The following AGPAT3 variants were observed in gnomAD, a reference collection of about 807,000 sequenced individuals.
AGPAT3 encodes the protein 1-acylglycerol-3-phosphate O-acyltransferase 3, also known as 1-acyl-sn-glycerol-3-phosphate acyltransferase gamma.
In AGPAT3, 5 loss-of-function variants were observed where a neutral mutation model predicts 47.3. The ratio of observed to expected loss-of-function variants is 0.11; its 90% CI spans 0.06 to 0.22. The LOEUF is 0.22. Among genes scored for constraint, AGPAT3 ranks in the 10% least tolerant of loss-of-function variants. The probability of loss-of-function intolerance (pLI) is 1.00; values close to 1 mark genes in which losing one functional copy is unlikely to be tolerated. For missense variants in AGPAT3, 315 were observed against 493.0 expected, an observed-to-expected ratio of 0.64 and a Z score of 3.42; for synonymous variants, 212 against 208.3, an observed-to-expected ratio of 1.02 and a Z score of -0.15.
At position 43,900,907 on chromosome 21, in the gene AGPAT3, C is replaced by T. The variant is rs1601253640; in HGVS notation, c.-111-3050C>T. On this transcript the variant is annotated intron_variant, in intron 1 of 9. Coordinates refer to ENST00000291572, the MANE Select transcript of AGPAT3 (RefSeq NM_020132.5). ...AGATGCAGGACAGCAGCAAACCCAG[C>T]GTCCAGTGCCAAGTTCACAGGCACC... Among the ~76,000 whole-genome samples, 4 of 152,248 alleles carry T rather than the reference C, an allele frequency of 2.6e-5. No homozygotes were observed. The South Asian group carries it at 6.2e-4, about 24-fold the overall frequency.
intron 1 of AGPAT3, among the ~76,000 whole-genome samples, chr21:43,886,554 A>G (rs1338825504): frequency 6.6e-6 from 1 of 152,122 alleles, no homozygotes; most frequent in Non-Finnish European, 1.5e-5. Flanking sequence ...ACCTGGCCAA[A>G]TACTAGGCCT....
At chr21:43,921,443 A>T (rs1281541906) in intron 2 of AGPAT3, among the ~76,000 whole-genome samples, 2 of 152,168 alleles carry the variant, frequency 1.3e-5, no homozygotes, top group African/African-American at 4.8e-5. Flanking sequence ...AGCACAGGTC[A>T]CAAGCTAGGA....
At chr21:43,963,672 C>T (rs1455684777) in intron 3 of AGPAT3, among the ~76,000 whole-genome samples, 2 of 143,358 alleles carry the variant, frequency 1.4e-5, no homozygotes, top group African/African-American at 2.6e-5. Context: ...TGCATCACTG[C>T]ACTCCAGCCT....
intron 2 of AGPAT3, among the ~76,000 whole-genome samples, chr21:43,929,465 G>A (rs1314380076): frequency 1.3e-5 from 2 of 152,204 alleles, no homozygotes; most frequent in Non-Finnish European, 2.9e-5. Flanking sequence ...TCCCACGGTG[G>A]GACTTCTATT....
At chr21:43,879,341 C>CT (rs1319985281) in intron 1 of AGPAT3, among the ~76,000 whole-genome samples, 1 of 110,896 alleles carries the variant, frequency 9.0e-6, no homozygotes, top group Non-Finnish European at 1.7e-5. Context: ...GAGTGAGACT[C>CT]TATCTCAAAA....
At chr21:43,909,260 G>A (rs2086573348) in intron 2 of AGPAT3, among the ~76,000 whole-genome samples, 2 of 151,472 alleles carry the variant, frequency 1.3e-5, no homozygotes, top group South Asian at 4.2e-4. Flanking sequence ...GCAGTGGACT[G>A]GCCGGCGGTG....
intron 5 of AGPAT3, among the ~76,000 whole-genome samples, 177 bp downstream of exon 5, chr21:43,969,456 G>A (rs923509121): frequency 1.3e-5 from 2 of 152,152 alleles, no homozygotes. Context: ...GGCTTCTCTT[G>A]GGCCACCTGC....
chr21:43,868,861 C>G (rs2085563756), intron 1 of AGPAT3, among the ~76,000 whole-genome samples: 1 of 152,176 alleles, frequency 6.6e-6, no homozygotes, highest in South Asian at 2.1e-4. Context: ...GAGACACTGA[C>G]ATGGGAAACT....
At chr21:43,893,216 TGAA>T (rs927042639) in intron 1 of AGPAT3, among the ~76,000 whole-genome samples, 1 of 152,248 alleles carries the variant, frequency 6.6e-6, no homozygotes, top group Non-Finnish European at 1.5e-5. Context: ...CACTTTTATG[TGAA>T]GAAGATGTGG....
At chr21:43,935,347 C>A (rs1601351209) in intron 2 of AGPAT3, among the ~76,000 whole-genome samples, 1 of 152,358 alleles carries the variant, frequency 6.6e-6, no homozygotes, top group South Asian at 2.1e-4. Flanking sequence ...CCAGATCCCG[C>A]CTCTCTCCAG....
chr21:43,870,910 C>G (rs989581565), intron 1 of AGPAT3, among the ~76,000 whole-genome samples: 2 of 152,128 alleles, frequency 1.3e-5, no homozygotes, highest in African/African-American at 4.8e-5. Context: ...AGACTGAGGC[C>G]TCTTTCACAG....
intron 7 of AGPAT3, among the ~76,000 whole-genome samples, chr21:43,972,094 G>T (rs894429971): frequency 1.3e-5 from 2 of 152,320 alleles, no homozygotes; most frequent in Non-Finnish European, 2.9e-5. Flanking sequence ...AGCACGCGAG[G>T]GACCGCAGTG....
Position 43,970,474 on chromosome 21 carries a change from CTG to C in AGPAT3, c.511-176_511-175del, listed in dbSNP as rs3833362. Reference sequence around the variant, plus strand: ...TGAACGTGTGTGACTGGAGTGCAGACTGTGGCCCTAGAATAAAAGAACCTTTC... The same window carrying C: ...TGAACGTGTGTGACTGGAGTGCAGACTGGCCCTAGAATAAAAGAACCTTTC... On this transcript the variant is annotated intron_variant, in intron 5 of 9. Coordinates refer to ENST00000291572, the MANE Select transcript of AGPAT3 (RefSeq NM_020132.5). This position sits in a 1 kb window ranked among gnomAD's most constrained non-coding sequence, Gnocchi z 5.8. Among the ~76,000 whole-genome samples the C allele has an allele frequency of 0.13, 19,107 of 152,214 alleles. 1,293 individuals carry two copies. The highest frequency in any genetic ancestry group is 0.17 in the African/African-American group (7,119 of 41,508).
At chr21:43,969,520 C>T (rs924954263) in intron 5 of AGPAT3, among the ~76,000 whole-genome samples, 9 of 152,150 alleles carry the variant, frequency 5.9e-5, no homozygotes, top group African/African-American at 1.9e-4. Context: ...GGGATCTGGC[C>T]GGGGGAGGGG....
At chr21:43,958,318 TG>T (rs1171697793) in intron 2 of AGPAT3, among the ~76,000 whole-genome samples, 3 of 151,256 alleles carry the variant, frequency 2.0e-5, no homozygotes, top group Non-Finnish European at 4.4e-5. Context: ...GTGCATGGGG[TG>T]GGGGGATGTG....
At position 43,984,820 on chromosome 21, in the gene AGPAT3, A is replaced by T. The variant is rs1394918159; in HGVS notation, c.*2428A>T. 1 of 240,808 alleles carries T rather than the reference A, an allele frequency of 4.2e-6. No individual in the cohort carries two copies. The highest frequency in any genetic ancestry group is 8.4e-6 in the Non-Finnish European group (1 of 118,812). 14.9% of individuals were successfully genotyped at this position (240,808 alleles called of 1,614,324 possible). A position where few individuals can be genotyped will look rare whatever the true frequency, so the allele number is the denominator to read the frequency against. ...TTTTTTTCTTTTTCCTTTACACCCT[A>T]CTTCTGAGCTTAATTCAGTTGATGT... is the stretch of plus-strand genomic sequence containing the variant. On this transcript the variant is annotated 3_prime_UTR_variant, in exon 10 of 10. Transcript: ENST00000291572.
intron 1 of AGPAT3, among the ~76,000 whole-genome samples, chr21:43,868,780 C>T (rs1030059190): frequency 1.3e-5 from 2 of 152,126 alleles, no homozygotes; most frequent in East Asian, 1.9e-4. Flanking sequence ...ACATGCTTAC[C>T]TTATTATTTT....
At position 43,920,104 on chromosome 21, in the gene AGPAT3, G is replaced by A. The variant is rs1166219453; in HGVS notation, c.-49+16085G>A. 1.3e-5 allele frequency among the ~76,000 whole-genome samples: 2 copies of A among 152,176 alleles called. No individual in the cohort carries two copies. Among genetic ancestry groups the A allele is most frequent in the Admixed American group, 6.5e-5 (1 of 15,282 alleles). ...GAAGGGACAGGAGTGCACTGCAGGCGGGGGTGTGACCACGTCCGCACCCCT... is the reference window on the plus strand; with the variant it reads ...GAAGGGACAGGAGTGCACTGCAGGCAGGGGTGTGACCACGTCCGCACCCCT... On this transcript the variant is annotated intron_variant, in intron 2 of 9. Coordinates refer to ENST00000291572, the MANE Select transcript of AGPAT3 (RefSeq NM_020132.5). This position sits in a 1 kb window ranked among gnomAD's most constrained non-coding sequence, Gnocchi z 6.1.
chr21:43,902,706 G>A (rs189620833), intron 1 of AGPAT3, among the ~76,000 whole-genome samples: 125 of 152,320 alleles, frequency 8.2e-4, no homozygotes, highest in Non-Finnish European at 2.9e-4. Context: ...GGATTTCGAC[G>A]TATGAATTTG....
Sources: allele counts gnomAD v4.1 joint callset (sites outside exome capture counted in the v4.1 genomes callset), GRCh38; gene constraint gnomAD v4.1.1; non-coding constraint Gnocchi (gnomAD v3.1); transcripts MANE v1.5; gene names NCBI Gene and HGNC (gene_info 2026-07-23, HGNC 2026-07-21).